The following BIRC6 variants were observed in gnomAD, a reference collection of about 807,000 sequenced individuals.
The protein encoded by BIRC6 is dual E2 ubiquitin-conjugating enzyme/E3 ubiquitin-protein ligase BIRC6.
In BIRC6, 98 loss-of-function variants were observed where a neutral mutation model predicts 503.3. The observed-to-expected ratio is 0.19, with a 90% CI of 0.17 to 0.23. The LOEUF (loss-of-function observed/expected upper bound fraction) is 0.23. BIRC6 is among the 10% of genes least tolerant of loss of function. The pLI, the probability that BIRC6 is intolerant of heterozygous loss-of-function variation, is 1.00. For missense variants in BIRC6, 5,360 were observed against 5,806.0 expected, an observed-to-expected ratio of 0.92 and a Z score of 2.50; for synonymous variants, 2,240 against 2,078.7, an observed-to-expected ratio of 1.08 and a Z score of -2.11.
intron 21 of BIRC6, among the ~76,000 whole-genome samples, chr2:32,446,671 G>C (rs2045972523): frequency 6.9e-6 from 1 of 145,446 alleles, no homozygotes; most frequent in East Asian, 2.1e-4. Context: ...AGTATAGATT[G>C]CAGGGAACAT....
chr2:32,509,235 A>C (rs1213214372), intron 51 of BIRC6, among the ~76,000 whole-genome samples: 1 of 152,240 alleles, frequency 6.6e-6, no homozygotes, highest in South Asian at 2.1e-4. Flanking sequence ...CTATGAATAC[A>C]AGTACTTTTG....
intron 69 of BIRC6, among the ~76,000 whole-genome samples, chr2:32,598,191 G>T (rs558646714): frequency 8.0e-6 from 1 of 124,312 alleles, no homozygotes; most frequent in Non-Finnish European, 1.6e-5. Context: ...GTACAGTGAT[G>T]TGATCACAGC....
intron 46 of BIRC6, 112 bp downstream of exon 46, chr2:32,500,221 A>C (rs1359206081): frequency 6.2e-6 from 6 of 967,712 alleles, no homozygotes; most frequent in Non-Finnish European, 9.0e-6. Flanking sequence ...AACTGCTTTA[A>C]GCTTTTCATG....
rs559354248 is a variant in BIRC6 at position 32,377,391 on chromosome 2, C to T, written c.326-197C>T. 2.0e-5 allele frequency among the ~76,000 whole-genome samples: 3 copies of T among 152,202 alleles called. No homozygotes were observed. In the East Asian group the frequency reaches 5.8e-4, roughly 29 times the overall value. On this transcript the variant is annotated intron_variant, in intron 1 of 73. Coordinates refer to ENST00000421745, the MANE Select transcript of BIRC6 (RefSeq NM_016252.4). ...TGGTTGTCAAATTTTAGTAATTTCA[C>T]ATTGATACTTTTATCTAATTTATGG...
chr2:32,544,882 A>C (rs1284283940), intron 62 of BIRC6, among the ~76,000 whole-genome samples: 1 of 151,678 alleles, frequency 6.6e-6, no homozygotes, highest in East Asian at 1.9e-4. Context: ...ATTTTTTTTT[A>C]AGTAGATAGA....
chr2:32,590,832 T>G, intron 66 of BIRC6: 1 of 985,922 alleles, frequency 1.0e-6, no homozygotes, highest in Non-Finnish European at 1.2e-6. Context: ...AGATTCAACG[T>G]ATGCACAAAG....
chr2:32,442,311 T>C lies in BIRC6; in HGVS notation c.4107-13T>C. Reference sequence around the variant, plus strand: ...GTTCAGGATGAGTCTAAATGTCTGCTATTGTTTTGCAGCTCAAAGGAAGGA... The same window carrying C: ...GTTCAGGATGAGTCTAAATGTCTGCCATTGTTTTGCAGCTCAAAGGAAGGA... On this transcript the variant is annotated splice_polypyrimidine_tract_variant and intron_variant, in intron 18 of 73. Coordinates refer to ENST00000421745, the MANE Select transcript of BIRC6 (RefSeq NM_016252.4). 4 of 1,613,060 alleles carry C rather than the reference T, an allele frequency of 2.5e-6. No homozygotes were observed. Among genetic ancestry groups the C allele is most frequent in the Non-Finnish European group, 2.5e-6 (3 of 1,179,486 alleles).
At chr2:32,458,171 A>C (rs1380500778) in intron 23 of BIRC6, among the ~76,000 whole-genome samples, 1 of 152,050 alleles carries the variant, frequency 6.6e-6, no homozygotes, top group Non-Finnish European at 1.5e-5. Flanking sequence ...TTGCTTTTTA[A>C]AGGTCATTTC....
chr2:32,567,626 G>A (rs1267326750), intron 65 of BIRC6, among the ~76,000 whole-genome samples: 2 of 152,212 alleles, frequency 1.3e-5, no homozygotes, highest in African/African-American at 4.8e-5. Context: ...AATGTACCAA[G>A]TTTTCACTGT....
At position 32,478,677 on chromosome 2, in the gene BIRC6, C is replaced by A. The variant is rs2050043671; in HGVS notation, c.7111C>A (p.Leu2371Met). 1 of 1,613,720 alleles carries A rather than the reference C, an allele frequency of 6.2e-7. No homozygotes were observed. Among genetic ancestry groups the A allele is most frequent in the African/African-American group, 1.3e-5 (1 of 75,016 alleles). Residue 2371 changes from leucine (L) to methionine (M), a missense_variant, in exon 36 of 74, where the codon CTG becomes ATG. Physicochemically the swap from Leu to Met is conservative, Grantham distance 15. Transcript: ENST00000421745. The part of the protein sequence containing the change: ...IANATRPTIH[L>M]CEIVNEPQLE... Reference sequence around the variant, plus strand: ...AAATGCCACGAGGCCAACTATTCATCTGTGTGAGATTGTGAACGAACCCCA... The same window carrying A: ...AAATGCCACGAGGCCAACTATTCATATGTGTGAGATTGTGAACGAACCCCA...
At chr2:32,372,696 G>A (rs1257102059) in intron 1 of BIRC6, among the ~76,000 whole-genome samples, 2 of 152,064 alleles carry the variant, frequency 1.3e-5, no homozygotes, top group Admixed American at 6.6e-5. Flanking sequence ...CAGACATCAT[G>A]GTGTGCGCCT....
chr2:32,411,951 T>G (rs2041937855), intron 9 of BIRC6, among the ~76,000 whole-genome samples: 1 of 152,198 alleles, frequency 6.6e-6, no homozygotes, highest in African/African-American at 2.4e-5. Flanking sequence ...TTCTTTCCTT[T>G]TTTTGTTTTC....
intron 65 of BIRC6, among the ~76,000 whole-genome samples, chr2:32,568,434 A>G (rs1322940307): frequency 6.7e-6 from 1 of 149,434 alleles, no homozygotes. Context: ...CAAGGCTACA[A>G]AGTGCAATGG....
rs961459089 is a variant in BIRC6, at chr2:32,427,246, G to T, written c.2873-1900G>T. Among the ~76,000 whole-genome samples the T allele has an allele frequency of 2.0e-5, 3 of 151,694 alleles. No homozygotes were observed. In the South Asian group the frequency reaches 6.3e-4, roughly 32 times the overall value. On this transcript the variant is annotated intron_variant, in intron 10 of 73. Coordinates refer to ENST00000421745, the MANE Select transcript of BIRC6 (RefSeq NM_016252.4). Reference sequence around the variant, plus strand: ...CATGTATGTTCTTAATATTTTATCTGTCCTGTAGGTCTCCAAGCTTCTTTT... The same window carrying T: ...CATGTATGTTCTTAATATTTTATCTTTCCTGTAGGTCTCCAAGCTTCTTTT...
chr2:32,468,343 T>C, intron 28 of BIRC6, 94 bp from the exon 29 acceptor site: 1 of 1,140,406 alleles, frequency 8.8e-7, no homozygotes, highest in Non-Finnish European at 1.2e-6. Flanking sequence ...TGGTTGTATG[T>C]TAACAGGTTT....
At chr2:32,482,285 T>G in intron 38 of BIRC6, 144 bp from the exon 39 acceptor site, 2 of 816,812 alleles carry the variant, frequency 2.4e-6, no homozygotes, top group South Asian at 4.3e-5. Flanking sequence ...TTATAAATCA[T>G]TAAAATTATA....
At chr2:32,500,206 T>A (rs761684203) in intron 46 of BIRC6, 97 bp downstream of exon 46, 86 of 1,125,564 alleles carry the variant, frequency 7.6e-5, no homozygotes, top group Non-Finnish European at 1.0e-4. Flanking sequence ...TACTTTATAG[T>A]GTAAAACTGC....
intron 47 of BIRC6, 98 bp from the exon 48 acceptor site, chr2:32,502,697 T>C: frequency 1.2e-6 from 1 of 850,190 alleles, no homozygotes; most frequent in Non-Finnish European, 1.7e-6. Context: ...AGGCTGTCAG[T>C]TTACAAAAAT....
At chr2:32,428,812 A>G (rs1175081000) in intron 10 of BIRC6, among the ~76,000 whole-genome samples, 1 of 152,230 alleles carries the variant, frequency 6.6e-6, no homozygotes, top group Non-Finnish European at 1.5e-5. Context: ...CCTCATCTGT[A>G]AAATGGCCAC....
Sources: gnomAD v4.1 joint callset for allele counts (sites outside exome capture counted in the v4.1 genomes callset) on GRCh38, gnomAD v4.1.1 for gene constraint, MANE v1.5 for transcripts, NCBI Gene and HGNC (gene_info 2026-07-23, HGNC 2026-07-21) for gene names.